Variants in PAX5 observed in about 807,000 individuals in gnomAD.
PAX5 encodes the protein paired box protein Pax-5.
Under a neutral mutation model 43.7 loss-of-function variants are expected in PAX5, and 9 were observed. The observed-to-expected ratio is 0.21, with a 90% CI of 0.12 to 0.36. The LOEUF (loss-of-function observed/expected upper bound fraction) is 0.36, where lower values mean the gene tolerates loss of function less well. PAX5 is among the 10% of genes least tolerant of loss of function. PAX5 has a pLI of 1.00. For missense variants in PAX5, 383 were observed against 532.7 expected (o/e 0.72, Z 2.77); for synonymous variants, 228 against 214.3 (o/e 1.06, Z -0.56).
rs973700423 is a variant in PAX5, at chr9:36,834,771, G to C, written c.*5789C>G. The C allele has an allele frequency of 1.3e-5, 3 of 231,988 alleles. No individual in the cohort carries two copies. Among genetic ancestry groups the C allele is most frequent in the Admixed American group, 5.7e-5 (1 of 17,686 alleles). 14.4% of individuals were successfully genotyped at this position (231,988 alleles called of 1,614,324 possible). A position where few individuals can be genotyped will look rare whatever the true frequency, so the allele number is the denominator to read the frequency against. The stretch of plus-strand genomic sequence containing the variant: ...TGTTCTTAATGATGCTTTTGGAGAA[G>C]ATGAGGGACGTGGCCACAGGCATGG... On this transcript the variant is annotated 3_prime_UTR_variant, in exon 10 of 10. Coordinates refer to ENST00000358127, the MANE Select transcript of PAX5 (RefSeq NM_016734.3).
chr9:36,948,361 G>A (rs1408934818), intron 6 of PAX5, among the ~76,000 whole-genome samples: 1 of 152,168 alleles, frequency 6.6e-6, no homozygotes, highest in African/African-American at 2.4e-5. Flanking sequence ...CTGTTAGGCA[G>A]TTTCCTTAGA....
Position 36,923,449 on chromosome 9 carries a change from A to T in PAX5, c.816T>A (p.Gly272=), listed in dbSNP as rs770624531. 2 of 1,611,666 alleles carry T rather than the reference A, an allele frequency of 1.2e-6. No homozygotes were observed. Among genetic ancestry groups the T allele is most frequent in the Non-Finnish European group, 1.7e-6 (2 of 1,179,962 alleles). ...TEYSAMASLA[G]GLDDMKANLA... is the part of the protein sequence containing the mutation. ...GATTGGCCTTCATGTCGTCCAGCCC[A>T]CCAGCCAGCGAGGCCATGGCTGAAT... The change falls in exon 7 of 10, where the codon GGT becomes GGA. Residue 272 remains glycine (G), a synonymous_variant. Transcript: ENST00000358127.
intron 7 of PAX5, among the ~76,000 whole-genome samples, chr9:36,883,287 A>G: frequency 6.6e-6 from 1 of 152,226 alleles, no homozygotes; most frequent in South Asian, 2.1e-4. Flanking sequence ...GCAAATGTTC[A>G]GAAGATCAGT....
chr9:36,970,158 G>A (rs560468341), intron 5 of PAX5, among the ~76,000 whole-genome samples: 21 of 152,314 alleles, frequency 1.4e-4, no homozygotes, highest in African/African-American at 4.8e-4. Flanking sequence ...ATGCTAGGGT[G>A]AAAAGAGAGC....
At chr9:36,960,542 G>A (rs765471158) in intron 6 of PAX5, among the ~76,000 whole-genome samples, 3 of 152,206 alleles carry the variant, frequency 2.0e-5, no homozygotes, top group Non-Finnish European at 2.9e-5. Context: ...ACTCTTATAG[G>A]AGGTAGGCTT....
rs185547310 is a variant in PAX5 at position 36,867,274 on chromosome 9, G to T, written c.1012+14730C>A. Among the ~76,000 whole-genome samples the T allele has an allele frequency of 4.6e-5, 7 of 152,186 alleles. No individual in the cohort carries two copies. In the East Asian group the frequency reaches 9.6e-4, roughly 21 times the overall value. Reference sequence around the variant, plus strand: ...AACTGCTTCAACCCAAGACTCTTCGGTATACACCTGGTGTCCCCGCTTAGA... The same window carrying T: ...AACTGCTTCAACCCAAGACTCTTCGTTATACACCTGGTGTCCCCGCTTAGA... On this transcript the variant is annotated intron_variant, in intron 8 of 9. Coordinates refer to ENST00000358127, the MANE Select transcript of PAX5 (RefSeq NM_016734.3).
intron 1 of PAX5, chr9:37,026,645 TAGGGAGCCTCGCCACCAGGCC>T: frequency 7.4e-7 from 1 of 1,349,496 alleles, no homozygotes; most frequent in Non-Finnish European, 9.7e-7. Flanking sequence ...CCAGGGCGGA[TAGGGAGCCTCGCCACCAGGCC>T]AGGCACTGTG....
At chr9:36,860,496 G>A (rs1268056595) in intron 8 of PAX5, among the ~76,000 whole-genome samples, 1 of 152,058 alleles carries the variant, frequency 6.6e-6, no homozygotes, top group Non-Finnish European at 1.5e-5. Context: ...TTGAGAGACA[G>A]GGGGCAGGGA....
chr9:36,998,539 G>A (rs932529667), intron 5 of PAX5, among the ~76,000 whole-genome samples: 7 of 152,230 alleles, frequency 4.6e-5, no homozygotes, highest in African/African-American at 1.7e-4. Context: ...TATGTGCCAA[G>A]CACTTGTATT....
At chr9:36,913,360 A>G (rs1829461961) in intron 7 of PAX5, among the ~76,000 whole-genome samples, 1 of 152,230 alleles carries the variant, frequency 6.6e-6, no homozygotes, top group Admixed American at 6.5e-5. Context: ...GAAAAAGGCC[A>G]GCAAGATACA....
In PAX5 at chr9:36,945,234, T is replaced by A. The variant is rs571962097; in HGVS notation, c.780+21315A>T. ...CTTTGGACAACTGTCTTTTTTTTTT[T>A]AGTTTTTTGTTTGTTTGTTTGAAAC... is the stretch of plus-strand genomic sequence containing the variant. On this transcript the variant is annotated intron_variant, in intron 6 of 9. Transcript: ENST00000358127. 2.0e-4 allele frequency among the ~76,000 whole-genome samples: 30 copies of A among 150,998 alleles called. 1 individual carries two copies. In the South Asian group the frequency reaches 6.1e-3, roughly 31 times the overall value.
At chr9:36,848,646 C>G (rs1030056420) in intron 8 of PAX5, among the ~76,000 whole-genome samples, 3 of 152,164 alleles carry the variant, frequency 2.0e-5, no homozygotes, top group African/African-American at 7.2e-5. Flanking sequence ...ACTCTGAGCA[C>G]CCGTGGACCT....
chr9:36,863,915 C>T lies in PAX5; in HGVS notation c.1013-16986G>A, dbSNP rs147742499. On this transcript the variant is annotated intron_variant, in intron 8 of 9. Coordinates refer to ENST00000358127, the MANE Select transcript of PAX5 (RefSeq NM_016734.3). The stretch of plus-strand genomic sequence containing the variant: ...CAGGAGGTCAGGAGCTCAAGACCAG[C>T]CTGGCCAACATGGTGAAACCCCGTC... Among the ~76,000 whole-genome samples the T allele has an allele frequency of 8.2e-3, 1,242 of 152,288 alleles. 10 individuals carry two copies. Among genetic ancestry groups the T allele is most frequent in the African/African-American group, 0.024 (998 of 41,546 alleles).
intron 7 of PAX5, among the ~76,000 whole-genome samples, chr9:36,891,396 C>T (rs765774942): frequency 2.4e-4 from 36 of 152,224 alleles, no homozygotes; most frequent in African/African-American, 7.7e-4. Flanking sequence ...GCTACGCACA[C>T]GTCGGTGCGT....
intron 7 of PAX5, among the ~76,000 whole-genome samples, chr9:36,922,509 G>A (rs1417517816): frequency 6.6e-6 from 1 of 152,172 alleles, no homozygotes; most frequent in Non-Finnish European, 1.5e-5. Flanking sequence ...GCTGGGCCAG[G>A]GGTCTCCCCG....
intron 9 of PAX5, 69 bp downstream of exon 9, chr9:36,846,774 G>A: frequency 8.9e-7 from 1 of 1,123,838 alleles, no homozygotes. Flanking sequence ...AGGGACCCAG[G>A]CCAGTGAGGA....
chr9:37,017,411 G>C (rs1293256008), intron 2 of PAX5, among the ~76,000 whole-genome samples: 1 of 152,172 alleles, frequency 6.6e-6, no homozygotes, highest in Non-Finnish European at 1.5e-5. Flanking sequence ...CTGCTGCTTT[G>C]CTTATAAAAT....
At chr9:36,968,774 A>G (rs1297385759) in intron 5 of PAX5, among the ~76,000 whole-genome samples, 2 of 152,122 alleles carry the variant, frequency 1.3e-5, no homozygotes, top group Non-Finnish European at 2.9e-5. Context: ...ATCATGGCCC[A>G]TCCCCATGGG....
rs1823600347 is a variant in PAX5 at position 36,855,684 on chromosome 9, G to A, written c.1013-8755C>T. On this transcript the variant is annotated intron_variant, in intron 8 of 9. Transcript: ENST00000358127. ...GGCCCTTCAGGGGCTGGTTCCCATG[G>A]AGCTTCTCAGCCACACCTCCCACTG... 6.6e-5 allele frequency among the ~76,000 whole-genome samples: 10 copies of A among 151,966 alleles called. No individual in the cohort carries two copies. The South Asian group carries it at 2.1e-3, about 32-fold the overall frequency.
Sources: gnomAD v4.1 joint callset for allele counts (sites outside exome capture counted in the v4.1 genomes callset) on GRCh38, gnomAD v4.1.1 for gene constraint, MANE v1.5 for transcripts, NCBI Gene and HGNC (gene_info 2026-07-23, HGNC 2026-07-21) for gene names.